SPAG11A: variants seen among roughly 807,000 people sequenced by gnomAD.
SPAG11A encodes sperm-associated antigen 11A.
A neutral mutation model predicts 5.5 loss-of-function variants in SPAG11A; 2 were observed. The observed-to-expected ratio is 0.37, with a 90% confidence interval of 0.15 to 1.15. The LOEUF is 1.15. Among genes scored for constraint, SPAG11A ranks in the 50% most tolerant of loss-of-function variants. SPAG11A has a pLI of 0.38. For synonymous variants in SPAG11A, 11 were observed against 42.7 expected (o/e 0.26, Z 2.90); for missense variants, 24 against 122.5 (o/e 0.20, Z 3.80).
At chr8:7,860,651 G>A in exon 3 of SPAG11A, 1 of 1,451,578 alleles carries the variant, frequency 6.9e-7, no homozygotes, top group Non-Finnish European at 9.3e-7. Context: ...CATAGGGGAT[G>A]TTCCACTGGG....
At chr8:7,849,251 G>A (rs1358138872) in intron 2 of SPAG11A, among the ~76,000 whole-genome samples, 1 of 152,098 alleles carries the variant, frequency 6.6e-6, no homozygotes, top group Non-Finnish European at 1.5e-5. Flanking sequence ...TAAGTTTCAG[G>A]TGTCCATTGA....
At chr8:7,852,152 TGGAA>T in intron 2 of SPAG11A, among the ~76,000 whole-genome samples, 1 of 149,692 alleles carries the variant, frequency 6.7e-6, no homozygotes, top group Admixed American at 6.7e-5. Flanking sequence ...GGTATATCCG[TGGAA>T]GGAAGGAAAG....
chr8:7,863,653 C>T (rs1197022813), downstream of SPAG11A: 1 of 1,504,944 alleles, frequency 6.6e-7, no homozygotes, highest in East Asian at 2.3e-5. Context: ...AGAGCAGGAG[C>T]CTCACCCACG....
At chr8:7,852,260 AT>A (rs1371806514) in intron 2 of SPAG11A, among the ~76,000 whole-genome samples, 1 of 151,336 alleles carries the variant, frequency 6.6e-6, no homozygotes, top group Non-Finnish European at 1.5e-5. Flanking sequence ...TTTATTGATC[AT>A]TTTTTCTCTT....
chr8:7,854,411 T>TGATAAGA (rs1818011846), intron 2 of SPAG11A, among the ~76,000 whole-genome samples: 1 of 120,804 alleles, frequency 8.3e-6, no homozygotes, highest in African/African-American at 2.7e-5. Context: ...ATAAGACTCC[T>TGATAAGA]TGTTTGCATA....
chr8:7,861,140 C>G (rs1214311924), downstream of SPAG11A, among the ~76,000 whole-genome samples: 1 of 80,654 alleles, frequency 1.2e-5, no homozygotes, highest in Non-Finnish European at 3.1e-5. Flanking sequence ...TGCAACCAAT[C>G]TGCTGCTCTG....
chr8:7,861,156 C>T (rs1228404357), downstream of SPAG11A, among the ~76,000 whole-genome samples: 1 of 51,152 alleles, frequency 2.0e-5, no homozygotes, highest in Non-Finnish European at 6.6e-5. Flanking sequence ...CTCTGTTTTC[C>T]ATCTGATGAC....
chr8:7,852,598 G>T (rs1404257703), intron 2 of SPAG11A, among the ~76,000 whole-genome samples: 1 of 152,182 alleles, frequency 6.6e-6, no homozygotes, highest in Non-Finnish European at 1.5e-5. Context: ...CTCCCGAAGT[G>T]CTGGAATTAC....
chr8:7,863,399 G>GTACC, downstream of SPAG11A: 2 of 1,395,472 alleles, frequency 1.4e-6, no homozygotes, highest in Non-Finnish European at 2.0e-6. Flanking sequence ...CCTGCACAGG[G>GTACC]TACCATTCAC....
At chr8:7,857,443 C>CTTTT (rs746499721) in intron 2 of SPAG11A, among the ~76,000 whole-genome samples, 89 of 44,642 alleles carry the variant, frequency 2.0e-3, no homozygotes, top group African/African-American at 4.7e-3. Context: ...TTCTTTCTTT[C>CTTTT]TTTTTTTTTT....
chr8:7,857,714 G>C (rs1461349721), intron 2 of SPAG11A, among the ~76,000 whole-genome samples: 1 of 89,564 alleles, frequency 1.1e-5, no homozygotes, highest in Non-Finnish European at 2.8e-5. Context: ...GCAAGGTACA[G>C]AAAGGTCTGT....
chr8:7,863,213 A>ATTTTTT (rs869056010), downstream of SPAG11A, among the ~76,000 whole-genome samples: 193 of 7,546 alleles, frequency 0.026, 64 homozygotes, highest in East Asian at 0.1. Context: ...TGCAGATGGG[A>ATTTTTT]TTTTTTTTTT....
In SPAG11A at chr8:7,857,443, CTTTTTTTTTTTT is replaced by C. The variant is rs746499721; in HGVS notation, c.215-3194_215-3183del. 9.6e-4 allele frequency among the ~76,000 whole-genome samples: 43 copies of C among 44,688 alleles called. 3 individuals carry two copies. The highest frequency in any genetic ancestry group is 3.4e-4 in the Non-Finnish European group (7 of 20,418). The allele number at this position is 44,688 out of a possible 152,430, so 29.3% of individuals were successfully genotyped here. A position where few individuals can be genotyped will look rare whatever the true frequency, so the allele number is the denominator to read the frequency against. The stretch of plus-strand genomic sequence containing the variant: ...CAAATGAAATTGCTTTTCTTTCTTT[CTTTTTTTTTTTT>C]TTTTTTTTGAGAGATTTCAGAGATG... On this transcript the variant is annotated intron_variant, in intron 2 of 2. Transcript: ENST00000642566.
intron 2 of SPAG11A, among the ~76,000 whole-genome samples, chr8:7,852,275 T>C (rs1817949224): frequency 6.6e-6 from 1 of 152,244 alleles, no homozygotes; most frequent in African/African-American, 2.4e-5. Context: ...TTCTCTTCTG[T>C]AAAATTTAAT....
At chr8:7,863,465 A>G (rs1818274630), downstream of SPAG11A, 1 of 1,577,418 alleles carries the variant, frequency 6.3e-7, no homozygotes, top group East Asian at 2.3e-5. Flanking sequence ...ATATTTATTG[A>G]GGCATTGTCA....
intron 2 of SPAG11A, among the ~76,000 whole-genome samples, chr8:7,852,128 G>A (rs1289657717): frequency 6.7e-6 from 1 of 148,192 alleles, no homozygotes; most frequent in African/African-American, 2.5e-5. Flanking sequence ...CGATCTGTGT[G>A]TTGATATTTC....
rs556327694 is a variant in SPAG11A at position 7,859,949 on chromosome 8, G to A, written c.215-697G>A. The stretch of plus-strand genomic sequence containing the variant: ...AGGGCTGAGATGATACAGAATCAGG[G>A]ATTAGACCCCGTTTGGAGGTTGGAT... On this transcript the variant is annotated intron_variant, in intron 2 of 2. Transcript: ENST00000642566. Among the ~76,000 whole-genome samples, 840 of 147,556 alleles carry A rather than the reference G, an allele frequency of 5.7e-3. 3 individuals are homozygous for A. The highest frequency in any genetic ancestry group is 0.016 in the South Asian group (69 of 4,448).
chr8:7,857,653 C>A (rs9693956), intron 2 of SPAG11A, among the ~76,000 whole-genome samples: 1,111 of 87,074 alleles, frequency 0.013, 137 homozygotes, highest in African/African-American at 0.033. Flanking sequence ...GGGTCAAAAG[C>A]AGCTTGGAGT....
rs545552608 is a variant in SPAG11A, at chr8:7,857,570, C to G, written c.215-3076C>G. Among the ~76,000 whole-genome samples, 175 of 76,222 alleles carry G rather than the reference C, an allele frequency of 2.3e-3. 14 individuals are homozygous for G. The highest frequency in any genetic ancestry group is 8.6e-3 in the Admixed American group (55 of 6,368). The allele number at this position is 76,222 out of a possible 152,430, so 50.0% of individuals were successfully genotyped here. A position where few individuals can be genotyped will look rare whatever the true frequency, so the allele number is the denominator to read the frequency against. ...GTTGGACCCTCACAAATATTCATAA[C>G]TATTTTACAATTACTTAGTACATAG... On this transcript the variant is annotated intron_variant, in intron 2 of 2. Transcript: ENST00000642566.
Sources: allele counts gnomAD v4.1 joint callset (sites outside exome capture counted in the v4.1 genomes callset), GRCh38; gene constraint gnomAD v4.1.1; transcripts MANE v1.5; gene names NCBI Gene and HGNC (gene_info 2026-07-23, HGNC 2026-07-21).